Variants in ADCY8 observed in about 807,000 individuals in gnomAD.
ADCY8 encodes the protein adenylate cyclase 8, also known as adenylate cyclase type 8.
In ADCY8, 51 loss-of-function variants were observed where a neutral mutation model predicts 119.7. The observed-to-expected ratio is 0.43, with a 90% CI of 0.34 to 0.54. ADCY8 has a LOEUF of 0.54. Among genes scored for constraint, ADCY8 ranks in the 20% least tolerant of loss-of-function variants. The pLI is 0.03. For synonymous variants in ADCY8, 665 were observed against 651.0 expected (o/e 1.02, Z -0.33); for missense variants, 1,383 against 1,598.8 (o/e 0.87, Z 2.30).
rs961762105 is a variant in ADCY8, at chr8:130,998,107, G to A, written c.961-7565C>T. On this transcript the variant is annotated intron_variant, in intron 1 of 17. Coordinates refer to ENST00000286355, the MANE Select transcript of ADCY8 (RefSeq NM_001115.3). ...TGTACAAAGCAGATAATGTCCTGCTGTCATTCTAGTGGTGGGAGATGGGCA... is the reference window on the plus strand; with the variant it reads ...TGTACAAAGCAGATAATGTCCTGCTATCATTCTAGTGGTGGGAGATGGGCA... Among the ~76,000 whole-genome samples the A allele has an allele frequency of 3.9e-5, 6 of 152,278 alleles. No homozygotes were observed. In the South Asian group the frequency reaches 1.0e-3, roughly 26 times the overall value.
intron 2 of ADCY8, among the ~76,000 whole-genome samples, chr8:130,975,022 G>C (rs1822029029): frequency 6.6e-6 from 1 of 152,026 alleles, no homozygotes; most frequent in Admixed American, 6.6e-5. Flanking sequence ...ATAATAAATG[G>C]GAAGCTGCTT....
intron 9 of ADCY8, 53 bp from the exon 10 acceptor site, chr8:130,849,856 C>G: frequency 2.7e-6 from 4 of 1,507,104 alleles, no homozygotes; most frequent in Non-Finnish European, 2.7e-6. Context: ...CTGAGCAACA[C>G]TGAAATTCTA....
intron 17 of ADCY8, among the ~76,000 whole-genome samples, chr8:130,781,983 G>A (rs1815094556): frequency 6.6e-6 from 1 of 152,172 alleles, no homozygotes; most frequent in Non-Finnish European, 1.5e-5. Flanking sequence ...ACTGGGGAGA[G>A]ATAGAAAATA....
chr8:130,801,899 C>CTT (rs34853195), intron 14 of ADCY8, among the ~76,000 whole-genome samples: 18,303 of 97,354 alleles, frequency 0.19, 1,924 homozygotes, highest in Non-Finnish European at 0.21. Flanking sequence ...TTGAGAATGC[C>CTT]TTTTTTTTTT....
intron 1 of ADCY8, among the ~76,000 whole-genome samples, chr8:130,998,244 C>A (rs529148364): frequency 9.9e-5 from 15 of 152,190 alleles, no homozygotes; most frequent in African/African-American, 3.6e-4. Context: ...AAAGTGATGG[C>A]ACAGGAATAA....
chr8:130,809,125 G>A (rs1816078993), intron 14 of ADCY8, among the ~76,000 whole-genome samples: 1 of 152,158 alleles, frequency 6.6e-6, no homozygotes, highest in African/African-American at 2.4e-5. Flanking sequence ...TGGGTGTGAG[G>A]CCCTGTCCAC....
At chr8:130,923,859 TA>T (rs773456239) in intron 5 of ADCY8, among the ~76,000 whole-genome samples, 11 of 152,264 alleles carry the variant, frequency 7.2e-5, no homozygotes, top group Non-Finnish European at 1.0e-4. Context: ...TTTCTAAAAT[TA>T]AGTATTTTTG....
chr8:131,019,788 T>C (rs2130793150), intron 1 of ADCY8, among the ~76,000 whole-genome samples: 1 of 142,188 alleles, frequency 7.0e-6, no homozygotes, highest in South Asian at 2.3e-4. Flanking sequence ...AGAAAACACA[T>C]GGAACAAATT....
Position 130,845,255 on chromosome 8 carries a change from G to A in ADCY8, c.2502+2169C>T, listed in dbSNP as rs1817261863. Reference sequence around the variant, plus strand: ...TGGGGGTTCAGGTGTTAGGTCAAGGGTATACAATATTAATTCAAAGTGATG... The same window carrying A: ...TGGGGGTTCAGGTGTTAGGTCAAGGATATACAATATTAATTCAAAGTGATG... On this transcript the variant is annotated intron_variant, in intron 11 of 17. Coordinates refer to ENST00000286355, the MANE Select transcript of ADCY8 (RefSeq NM_001115.3). Among the ~76,000 whole-genome samples, 5 of 152,048 alleles carry A rather than the reference G, an allele frequency of 3.3e-5. No homozygotes were observed. The South Asian group carries it at 8.3e-4, about 25-fold the overall frequency.
rs147532190 is a variant in ADCY8 at position 130,895,448 on chromosome 8, G to A, written c.1911+8324C>T. Among the ~76,000 whole-genome samples, 166 of 152,190 alleles carry A rather than the reference G, an allele frequency of 1.1e-3. 1 individual carries two copies. The highest frequency in any genetic ancestry group is 3.1e-3 in the Admixed American group (47 of 15,280). The stretch of plus-strand genomic sequence containing the variant: ...ATCTCTTCTTCCTTAGTCTACCCCA[G>A]GAACTTCAGAGAAAGGAAGGATGAT... On this transcript the variant is annotated intron_variant, in intron 7 of 17. Transcript: ENST00000286355.
chr8:130,787,828 C>G (rs1226946648), intron 15 of ADCY8, among the ~76,000 whole-genome samples: 1 of 150,308 alleles, frequency 6.7e-6, no homozygotes, highest in Non-Finnish European at 1.5e-5. Flanking sequence ...GCATGTGCAT[C>G]CACATGTGTG....
At chr8:130,816,235 A>C (rs753053851) in intron 13 of ADCY8, among the ~76,000 whole-genome samples, 2 of 152,144 alleles carry the variant, frequency 1.3e-5, no homozygotes, top group African/African-American at 2.4e-5. Flanking sequence ...TGGCTGAGTA[A>C]ACTTTAGTAC....
Position 130,980,268 on chromosome 8 carries a change from G to T in ADCY8, c.1110+10125C>A, listed in dbSNP as rs143740249. On this transcript the variant is annotated intron_variant, in intron 2 of 17. Transcript: ENST00000286355. ...ATTGCATCTTGAATAAATCTGTAAA[G>T]ATCCTATTTCCAAGTAAGATCACAT... Among the ~76,000 whole-genome samples, 346 of 152,280 alleles carry T rather than the reference G, an allele frequency of 2.3e-3. 2 individuals carry two copies. Among genetic ancestry groups the T allele is most frequent in the African/African-American group, 8.0e-3 (334 of 41,556 alleles).
intron 6 of ADCY8, among the ~76,000 whole-genome samples, chr8:130,904,280 C>T (rs775334472): frequency 2.6e-5 from 4 of 152,228 alleles, no homozygotes; most frequent in South Asian, 4.1e-4. Flanking sequence ...TGATAAAATA[C>T]AGCCCTTCTG....
At chr8:130,867,070 C>A (rs1169691566) in intron 9 of ADCY8, among the ~76,000 whole-genome samples, 1 of 152,026 alleles carries the variant, frequency 6.6e-6, no homozygotes, top group Admixed American at 6.6e-5. Context: ...GGGGAAAACT[C>A]ATAGTAAGTA....
intron 2 of ADCY8, among the ~76,000 whole-genome samples, chr8:130,961,926 G>T (rs1821618021): frequency 6.6e-6 from 1 of 152,144 alleles, no homozygotes; most frequent in Admixed American, 6.5e-5. Context: ...AGCGAGCTAT[G>T]ATCATGCCAC....
intron 2 of ADCY8, among the ~76,000 whole-genome samples, chr8:130,966,927 T>A (rs1821779430): frequency 6.6e-6 from 1 of 152,236 alleles, no homozygotes; most frequent in Non-Finnish European, 1.5e-5. Context: ...TCATTGTTTT[T>A]GAACTTTAAT....
chr8:130,926,896 A>G lies in ADCY8; in HGVS notation c.1481+10177T>C, dbSNP rs550755106. Among the ~76,000 whole-genome samples, 97 of 151,160 alleles carry G rather than the reference A, an allele frequency of 6.4e-4. 1 individual carries two copies. In the South Asian group the frequency reaches 0.013, roughly 20 times the overall value. On this transcript the variant is annotated intron_variant, in intron 5 of 17. Coordinates refer to ENST00000286355, the MANE Select transcript of ADCY8 (RefSeq NM_001115.3). ...TGTCCACGTTCATCTATATTATTGA[A>G]AATGCCAGGATTTCCTTCTTTATGG...
intron 8 of ADCY8, among the ~76,000 whole-genome samples, chr8:130,872,415 C>T (rs1235022995): frequency 6.6e-6 from 1 of 152,180 alleles, no homozygotes; most frequent in African/African-American, 2.4e-5. Flanking sequence ...AATGCAGGGA[C>T]TCACTGGCTA....
Sources: gnomAD v4.1 joint callset for allele counts (sites outside exome capture counted in the v4.1 genomes callset) on GRCh38, gnomAD v4.1.1 for gene constraint, MANE v1.5 for transcripts, NCBI Gene and HGNC (gene_info 2026-07-23, HGNC 2026-07-21) for gene names.